Variants in VWA8 observed in about 807,000 individuals in gnomAD.
VWA8 encodes von Willebrand factor A domain containing 8.
Under a neutral mutation model 241.5 loss-of-function variants are expected in VWA8, and 221 were observed. That is an observed-to-expected ratio of 0.91 (90% CI 0.82 to 1.02). The LOEUF is 1.02. Among genes scored for constraint, VWA8 ranks in the 50% least tolerant of loss-of-function variants. VWA8 has a pLI of 0.00. For synonymous variants in VWA8, 852 were observed against 827.1 expected (o/e 1.03, Z -0.52); for missense variants, 2,322 against 2,328.7 (o/e 1.00, Z 0.06).
chr13:41,721,576 C>A lies in VWA8; in HGVS notation c.2759-1G>T. 1 of 1,606,698 alleles carries A rather than the reference C, an allele frequency of 6.2e-7. No homozygotes were observed. The highest frequency in any genetic ancestry group is 1.3e-5 in the African/African-American group (1 of 74,564). Reference sequence around the variant, plus strand: ...ACTGCATGGCAGCTAAAAATATCACCTAAAGGAGAGAAAAGATTCACATTC... The same window carrying A: ...ACTGCATGGCAGCTAAAAATATCACATAAAGGAGAGAAAAGATTCACATTC... On this transcript the variant is annotated splice_acceptor_variant, in intron 24 of 44. Transcript: ENST00000379310. LOFTEE classifies it high-confidence loss of function.
intron 7 of VWA8, 135 bp from the exon 8 acceptor site, chr13:41,886,163 C>T (rs578130350): frequency 2.1e-4 from 134 of 628,380 alleles, no homozygotes; most frequent in African/African-American, 2.1e-3. Context: ...ACAATGGTTC[C>T]GCATCATAAT....
chr13:41,858,235 G>A (rs1175819451), intron 12 of VWA8, among the ~76,000 whole-genome samples: 1 of 152,208 alleles, frequency 6.6e-6, no homozygotes, highest in East Asian at 1.9e-4. Flanking sequence ...AAAGTTTATA[G>A]TCTGATAGGT....
intron 38 of VWA8, among the ~76,000 whole-genome samples, chr13:41,614,052 T>C (rs1239923003): frequency 6.6e-6 from 1 of 152,204 alleles, no homozygotes; most frequent in Non-Finnish European, 1.5e-5. Flanking sequence ...CCACAATGCA[T>C]TCCATATGGA....
chr13:41,577,395 A>G (rs1593626764), intron 42 of VWA8, among the ~76,000 whole-genome samples: 1 of 152,240 alleles, frequency 6.6e-6, no homozygotes, highest in African/African-American at 2.4e-5. Context: ...GTTTGCTATC[A>G]ATAGAGTGAA....
chr13:41,910,546 T>C (rs1344904006), intron 3 of VWA8, among the ~76,000 whole-genome samples: 1 of 150,500 alleles, frequency 6.6e-6, no homozygotes, highest in Admixed American at 6.6e-5. Flanking sequence ...ATCAAGCCAC[T>C]GCACTCCAGC....
At chr13:41,868,500 T>G in intron 9 of VWA8, 23 bp from the exon 10 acceptor site, 1 of 1,603,488 alleles carries the variant, frequency 6.2e-7, no homozygotes, top group African/African-American at 1.3e-5. Context: ...AAGAAAATCA[T>G]GCAATTTACT....
chr13:41,844,239 T>C (rs1481798318), intron 12 of VWA8, among the ~76,000 whole-genome samples: 1 of 152,180 alleles, frequency 6.6e-6, no homozygotes, highest in Non-Finnish European at 1.5e-5. Flanking sequence ...AAAAGCCATT[T>C]TGATCATCTC....
At chr13:41,625,181 C>A (rs955211110) in intron 37 of VWA8, among the ~76,000 whole-genome samples, 1 of 151,298 alleles carries the variant, frequency 6.6e-6, no homozygotes, top group Non-Finnish European at 1.5e-5. Context: ...ACACACAAAT[C>A]AAACACTCAT....
In VWA8 at chr13:41,681,371, C is replaced by G. The variant is rs74050253; in HGVS notation, c.4327+3676G>C. Reference sequence around the variant, plus strand: ...TGCATAAAGCCTACCTTCCCATTTTCTAACAAATGTCATGAATGATTTTTT... The same window carrying G: ...TGCATAAAGCCTACCTTCCCATTTTGTAACAAATGTCATGAATGATTTTTT... On this transcript the variant is annotated intron_variant, in intron 35 of 44. Coordinates refer to ENST00000379310, the MANE Select transcript of VWA8 (RefSeq NM_015058.2). Among the ~76,000 whole-genome samples, 734 of 152,226 alleles carry G rather than the reference C, an allele frequency of 4.8e-3. 3 individuals are homozygous for G. The highest frequency in any genetic ancestry group is 0.015 in the South Asian group (72 of 4,828).
intron 2 of VWA8, among the ~76,000 whole-genome samples, chr13:41,924,333 T>C (rs1035489287): frequency 7.1e-6 from 1 of 141,452 alleles, no homozygotes; most frequent in African/African-American, 2.7e-5. Flanking sequence ...AACTTGAAGA[T>C]AGCTCTTCTG....
At chr13:41,882,989 CATA>C (rs1459326783) in intron 9 of VWA8, among the ~76,000 whole-genome samples, 6 of 152,128 alleles carry the variant, frequency 3.9e-5, no homozygotes, top group African/African-American at 1.4e-4. Flanking sequence ...AGTCATGATT[CATA>C]ATAACACCAA....
intron 2 of VWA8, chr13:41,927,309 C>A: frequency 1.9e-6 from 1 of 524,788 alleles, no homozygotes; most frequent in South Asian, 1.4e-5. Flanking sequence ...ATGTAGCAAC[C>A]ACTGATATGC....
chr13:41,811,541 T>C (rs1485223399), intron 16 of VWA8, among the ~76,000 whole-genome samples: 1 of 152,154 alleles, frequency 6.6e-6, no homozygotes, highest in African/African-American at 2.4e-5. Flanking sequence ...TTAAAAAATC[T>C]AAAGTATTTA....
In VWA8 at chr13:41,703,390, C is replaced by T. The variant is rs373411728; in HGVS notation, c.3138G>A (p.Thr1046=). ...GACCAATTGTCCAGTAGCCCATGAA[C>T]GTTTGTTCTGGCAGAGTCAACCTGT... ...LAKELTLPEQ[T]FMGYWTIGQA... The change falls in exon 27 of 45, where the codon ACG becomes ACA. Residue 1046 remains threonine, a synonymous_variant. Coordinates refer to ENST00000379310, the MANE Select transcript of VWA8 (RefSeq NM_015058.2). 16 of 1,613,910 alleles carry T rather than the reference C, an allele frequency of 9.9e-6. No homozygotes were observed. Among genetic ancestry groups the T allele is most frequent in the Middle Eastern group, 1.6e-4 (1 of 6,082 alleles).
At chr13:41,767,132 A>T (rs1003434913) in intron 20 of VWA8, among the ~76,000 whole-genome samples, 1 of 152,164 alleles carries the variant, frequency 6.6e-6, no homozygotes, top group Admixed American at 6.5e-5. Flanking sequence ...AAGTTAGTTC[A>T]GTTTGTATAA....
intron 39 of VWA8, among the ~76,000 whole-genome samples, chr13:41,606,384 T>C (rs933488070): frequency 1.3e-5 from 2 of 152,094 alleles, no homozygotes; most frequent in Non-Finnish European, 2.9e-5. Context: ...AAGTTCAGAG[T>C]GAACTCCCTT....
intron 37 of VWA8, among the ~76,000 whole-genome samples, chr13:41,642,670 C>T (rs1230800899): frequency 2.0e-5 from 3 of 151,456 alleles, no homozygotes; most frequent in Admixed American, 6.6e-5. Context: ...GGCTCACACC[C>T]GTAATCCCAG....
chr13:41,959,564 TG>T (rs1425768588), intron 1 of VWA8, among the ~76,000 whole-genome samples: 1 of 145,890 alleles, frequency 6.9e-6, no homozygotes, highest in Non-Finnish European at 1.5e-5. Context: ...GGGTGGTGTA[TG>T]TCTTCAATGA....
chr13:41,910,316 G>A (rs139732816), intron 3 of VWA8, among the ~76,000 whole-genome samples: 79 of 152,224 alleles, frequency 5.2e-4, no homozygotes, highest in Middle Eastern at 3.4e-3. Context: ...AGGCTTGGCC[G>A]GGCACGGTGG....
Sources: allele counts gnomAD v4.1 joint callset (sites outside exome capture counted in the v4.1 genomes callset), GRCh38; gene constraint gnomAD v4.1.1; transcripts MANE v1.5; gene names NCBI Gene and HGNC (gene_info 2026-07-23, HGNC 2026-07-21).